The following MAP2K2 variants were observed in gnomAD, a reference collection of about 807,000 sequenced individuals.
MAP2K2 encodes dual specificity mitogen-activated protein kinase kinase 2.
MAP2K2 carries 24 observed loss-of-function variants against 43.7 expected under a neutral mutation model. That is an observed-to-expected ratio of 0.55 (90% confidence interval 0.40 to 0.77). The LOEUF (loss-of-function observed/expected upper bound fraction) is 0.77, where lower values mean the gene tolerates loss of function less well. Among genes scored for constraint, MAP2K2 ranks in the 30% least tolerant of loss-of-function variants. MAP2K2 has a pLI of 0.00. For synonymous variants in MAP2K2, 244 were observed against 239.7 expected (o/e 1.02, Z -0.17); for missense variants, 470 against 566.8 (o/e 0.83, Z 1.73).
At chr19:4,090,891 C>G (rs1305802294) in intron 10 of MAP2K2, among the ~76,000 whole-genome samples, 183 bp from the exon 11 acceptor site, 1 of 152,180 alleles carries the variant, frequency 6.6e-6, no homozygotes, top group Non-Finnish European at 1.5e-5. Context: ...AAAGGGGCAG[C>G]GGCGTGTGCC....
At chr19:4,098,146 AT>A (rs145126984) in intron 7 of MAP2K2, among the ~76,000 whole-genome samples, 2,792 of 152,342 alleles carry the variant, frequency 0.018, 80 homozygotes, top group African/African-American at 0.064. Flanking sequence ...GACACGCACC[AT>A]GGCGTGGATG....
At chr19:4,123,163 T>C (rs932172789) in intron 1 of MAP2K2, among the ~76,000 whole-genome samples, 7 of 151,526 alleles carry the variant, frequency 4.6e-5, no homozygotes, top group African/African-American at 1.7e-4. Context: ...CCCCACACTG[T>C]GTTCTCTCCT....
At chr19:4,114,357 C>T (rs865979668) in intron 2 of MAP2K2, among the ~76,000 whole-genome samples, 7 of 152,216 alleles carry the variant, frequency 4.6e-5, no homozygotes, top group South Asian at 2.1e-4. Flanking sequence ...GCAGCGGCTT[C>T]GACTCAGGTC....
At chr19:4,095,567 C>T in intron 8 of MAP2K2, 118 bp from the exon 9 acceptor site, 1 of 770,958 alleles carries the variant, frequency 1.3e-6, no homozygotes, top group Non-Finnish European at 2.1e-6. Context: ...CTGGCCGACA[C>T]CACATGCCAA....
intron 10 of MAP2K2, 45 bp from the exon 11 acceptor site, chr19:4,090,753 G>T: frequency 7.4e-7 from 1 of 1,343,140 alleles, no homozygotes; most frequent in Non-Finnish European, 1.0e-6. Flanking sequence ...TGGAGTCACA[G>T]TAGGACGGGG....
At chr19:4,114,582 G>A (rs2041197459) in intron 2 of MAP2K2, among the ~76,000 whole-genome samples, 1 of 152,240 alleles carries the variant, frequency 6.6e-6, no homozygotes, top group Non-Finnish European at 1.5e-5. Flanking sequence ...ACGCGGGGAC[G>A]CTGCTCCAAT....
chr19:4,114,177 C>T (rs1246818586), intron 2 of MAP2K2, among the ~76,000 whole-genome samples: 2 of 152,120 alleles, frequency 1.3e-5, no homozygotes, highest in African/African-American at 4.8e-5. Context: ...AGCTAGGGGA[C>T]CGCAGTGCAG....
chr19:4,121,200 A>C (rs1218965814), intron 1 of MAP2K2, among the ~76,000 whole-genome samples: 1 of 151,496 alleles, frequency 6.6e-6, no homozygotes, highest in Non-Finnish European at 1.5e-5. Context: ...CCCGGACCCC[A>C]GCATACCCCT....
chr19:4,098,856 C>T (rs765459625), intron 7 of MAP2K2, among the ~76,000 whole-genome samples: 5 of 152,254 alleles, frequency 3.3e-5, no homozygotes, highest in Non-Finnish European at 5.9e-5. Context: ...GGCTCTGTGG[C>T]GGCCAATTCC....
intron 10 of MAP2K2, 30 bp from the exon 11 acceptor site, chr19:4,090,738 G>C: frequency 6.8e-7 from 1 of 1,461,694 alleles, no homozygotes; most frequent in Non-Finnish European, 9.4e-7. Flanking sequence ...GTGAGCACCC[G>C]GGCCTGGAGT....
chr19:4,096,200 G>A (rs1175809098), intron 8 of MAP2K2, among the ~76,000 whole-genome samples: 1 of 152,230 alleles, frequency 6.6e-6, no homozygotes, highest in Non-Finnish European at 1.5e-5. Flanking sequence ...GCAGGGGCAG[G>A]GGCGGGAAGA....
At chr19:4,110,737 G>A (rs2041144382) in intron 2 of MAP2K2, 82 bp from the exon 3 acceptor site, 27 of 1,488,516 alleles carry the variant, frequency 1.8e-5, no homozygotes, top group Non-Finnish European at 2.3e-5. Flanking sequence ...CTCTGCAGGC[G>A]TTCCCAACAG....
At chr19:4,097,851 G>T (rs796721334) in intron 7 of MAP2K2, among the ~76,000 whole-genome samples, 1 of 152,034 alleles carries the variant, frequency 6.6e-6, no homozygotes, top group Non-Finnish European at 1.5e-5. Context: ...CCTTCTGCCC[G>T]TCCTGAAATG....
chr19:4,117,384 C>A, intron 2 of MAP2K2, 35 bp downstream of exon 2: 1 of 1,593,570 alleles, frequency 6.3e-7, no homozygotes, highest in South Asian at 1.1e-5. Context: ...ACCTTCCCCA[C>A]CACTCCCCGA....
chr19:4,118,220 G>A (rs1479102728), intron 1 of MAP2K2, among the ~76,000 whole-genome samples: 1 of 152,214 alleles, frequency 6.6e-6, no homozygotes, highest in Non-Finnish European at 1.5e-5. Flanking sequence ...TTATAGGCGT[G>A]AGCCATTGCA....
In MAP2K2 at chr19:4,099,264, C is replaced by A. The variant is rs730880523; in HGVS notation, c.856G>T (p.Gly286Trp). Reference protein sequence around the residue: ...EAIFGRPVVDGEEGEPHSISP... With the variant: ...EAIFGRPVVDWEEGEPHSISP... The stretch of plus-strand genomic sequence containing the variant: ...ATGCTGTGAGGCTCTCCTTCTTCCC[C>A]GTCGACCACGGGCCGGCCAAAGATG... The change falls in exon 7 of 11, where the codon GGG becomes TGG. Residue 286 changes from glycine (G) to tryptophan (W), a missense_variant. Gly to Trp is a radical substitution (Grantham distance 184). Coordinates refer to ENST00000262948, the MANE Select transcript of MAP2K2 (RefSeq NM_030662.4). 2 of 1,605,594 alleles carry A rather than the reference C, an allele frequency of 1.2e-6. No homozygotes were observed. Among genetic ancestry groups the A allele is most frequent in the South Asian group, 1.1e-5 (1 of 89,924 alleles).
chr19:4,099,314 G>T lies in MAP2K2; in HGVS notation c.806C>A (p.Pro269Gln), dbSNP rs368064728. Residue 269 changes from proline (P) to glutamine (Q), a missense_variant, in exon 7 of 11, where the codon CCG becomes CAG. Pro to Gln is a moderately conservative substitution (Grantham distance 76). This residue lies in a region of MAP2K2 where 212 missense variants were observed against 220.8 expected (regional missense o/e 0.96). Transcript: ENST00000262948. Reference sequence around the variant, plus strand: ...GGCCTCCAGCTCTTTGGCGTCGGGCGGGGGGATGGGGTACCTTCCGACGGC... The same window carrying T: ...GGCCTCCAGCTCTTTGGCGTCGGGCTGGGGGATGGGGTACCTTCCGACGGC... ...ELAVGRYPIP[P>Q]PDAKELEAIF... The T allele has an allele frequency of 6.2e-7, 1 of 1,607,542 alleles. No homozygotes were observed. Among genetic ancestry groups the T allele is most frequent in the African/African-American group, 1.3e-5 (1 of 74,842 alleles).
rs547769467 is a variant in MAP2K2 at position 4,109,107 on chromosome 19, G to C, written c.450+1402C>G. ...AACTGTCAAAGGGGATCGCACGTTT[G>C]CAGGGTGTCACCCAAGCATTCTGGT... On this transcript the variant is annotated intron_variant, in intron 3 of 10. Coordinates refer to ENST00000262948, the MANE Select transcript of MAP2K2 (RefSeq NM_030662.4). Among the ~76,000 whole-genome samples the C allele has an allele frequency of 7.0e-4, 106 of 152,322 alleles. No homozygotes were observed. In the Middle Eastern group the frequency reaches 0.02, roughly 29 times the overall value.
rs1227661008 is a variant in MAP2K2, at chr19:4,102,958, G to A, written c.451-505C>T. ...CGGGTGCTGCCCCGCGTGGGAGGAG[G>A]CGGCGGGTCGCTGTGTGCCCGTCCA... On this transcript the variant is annotated intron_variant, in intron 3 of 10. Coordinates refer to ENST00000262948, the MANE Select transcript of MAP2K2 (RefSeq NM_030662.4). 3 of 1,102,948 alleles carry A rather than the reference G, an allele frequency of 2.7e-6. No individual in the cohort carries two copies. The African/African-American group carries it at 5.0e-5, about 18-fold the overall frequency. 68.3% of individuals were successfully genotyped at this position (1,102,948 alleles called of 1,614,324 possible).
Sources: allele counts gnomAD v4.1 joint callset (sites outside exome capture counted in the v4.1 genomes callset), GRCh38; gene constraint gnomAD v4.1.1; regional missense constraint gnomAD v4.1.1; transcripts MANE v1.5; gene names NCBI Gene and HGNC (gene_info 2026-07-23, HGNC 2026-07-21).